Variants in WDPCP observed in about 807,000 individuals in gnomAD.
The protein encoded by WDPCP is WD repeat-containing and planar cell polarity effector protein fritz homolog.
In WDPCP, 71 loss-of-function variants were observed where a neutral mutation model predicts 93.1. The ratio of observed to expected loss-of-function variants is 0.76; its 90% CI spans 0.63 to 0.93. The LOEUF (loss-of-function observed/expected upper bound fraction) is 0.93, where lower values mean the gene tolerates loss of function less well. Ranked by LOEUF, WDPCP falls within the 40% of genes least tolerant of loss-of-function variation. The probability of loss-of-function intolerance (pLI) is 0.00; values close to 1 mark genes in which losing one functional copy is unlikely to be tolerated. For synonymous variants in WDPCP, 315 were observed against 315.0 expected, an observed-to-expected ratio of 1.00 and a Z score of 0.00; for missense variants, 844 against 887.4, an observed-to-expected ratio of 0.95 and a Z score of 0.62.
chr2:63,394,671 A>G (rs1693564729), intron 10 of WDPCP, among the ~76,000 whole-genome samples: 2 of 152,240 alleles, frequency 1.3e-5, no homozygotes, highest in African/African-American at 2.4e-5. Context: ...GATAAAGGAA[A>G]TGTGGTACAT....
At chr2:63,500,617 C>T (rs1701491996) in intron 1 of WDPCP, among the ~76,000 whole-genome samples, 1 of 152,156 alleles carries the variant, frequency 6.6e-6, no homozygotes, top group Non-Finnish European at 1.5e-5. Context: ...TTCTACTGTT[C>T]TGAATGCTGG....
chr2:63,819,639 C>G (rs889565995), intron 1 of WDPCP, among the ~76,000 whole-genome samples: 1 of 152,084 alleles, frequency 6.6e-6, no homozygotes, highest in African/African-American at 2.4e-5. Context: ...AGTAAGTTCC[C>G]GGGTGATACT....
At chr2:63,249,600 T>G (rs1004701641) in intron 14 of WDPCP, among the ~76,000 whole-genome samples, 6 of 152,142 alleles carry the variant, frequency 3.9e-5, no homozygotes, top group Non-Finnish European at 8.8e-5. Flanking sequence ...GCTGCACATG[T>G]CTTTACCTCT....
At chr2:63,279,463 T>A (rs1484997903) in intron 13 of WDPCP, among the ~76,000 whole-genome samples, 1 of 152,204 alleles carries the variant, frequency 6.6e-6, no homozygotes, top group East Asian at 1.9e-4. Flanking sequence ...CAGACCTTAA[T>A]GTAATAAAAG....
chr2:63,397,108 A>G (rs1468369605), intron 10 of WDPCP, among the ~76,000 whole-genome samples: 1 of 152,158 alleles, frequency 6.6e-6, no homozygotes, highest in Admixed American at 6.6e-5. Context: ...AGAAGAATAT[A>G]GATACAGGGC....
chr2:63,258,686 G>A (rs1167407971), intron 14 of WDPCP, among the ~76,000 whole-genome samples: 1 of 152,056 alleles, frequency 6.6e-6, no homozygotes, highest in Non-Finnish European at 1.5e-5. Context: ...TATCAATATT[G>A]CTCAATTTAG....
chr2:63,593,614 CA>C, upstream of WDPCP: 2 of 471,686 alleles, frequency 4.2e-6, no homozygotes, highest in Non-Finnish European at 8.8e-6. Flanking sequence ...ATCAGTGGAC[CA>C]TTTCTCCATG....
chr2:63,643,508 A>G, intron 3 of WDPCP: 1 of 401,894 alleles, frequency 2.5e-6, no homozygotes. Flanking sequence ...CACCATACAC[A>G]GGTTACCAAT....
intron 2 of WDPCP, chr2:63,684,569 AT>A: frequency 2.8e-6 from 2 of 715,652 alleles, no homozygotes; most frequent in Admixed American, 3.5e-5. Flanking sequence ...CTCTGTGGAT[AT>A]CCCCTTGAAC....
intron 9 of WDPCP, among the ~76,000 whole-genome samples, chr2:63,416,199 C>CTTT (rs142173557): frequency 2.0e-5 from 3 of 149,650 alleles, no homozygotes. Flanking sequence ...TCTTTTTTTT[C>CTTT]CTTTTTTTTT....
At chr2:63,378,296 T>C in intron 12 of WDPCP, 90 bp downstream of exon 12, 19 of 1,564,492 alleles carry the variant, frequency 1.2e-5, no homozygotes, top group Non-Finnish European at 1.7e-5. Context: ...AGGAAACACA[T>C]AGCCTTACTA....
chr2:63,750,809 T>C (rs560229772), intron 2 of WDPCP, among the ~76,000 whole-genome samples: 2 of 152,294 alleles, frequency 1.3e-5, no homozygotes, highest in South Asian at 4.1e-4. Context: ...AAACCAATCT[T>C]ACATTTTTGT....
rs549059472 is a variant in WDPCP, at chr2:63,696,389, C to T, written n.309-45551G>A. Among the ~76,000 whole-genome samples the T allele has an allele frequency of 2.0e-5, 3 of 152,308 alleles. No individual in the cohort carries two copies. In the South Asian group the frequency reaches 6.2e-4, roughly 32 times the overall value. ...TGTTCCATGAAGCCATGAAATTTTT[C>T]TGTCATTCCCTCAGTTTGTAGACAG... On this transcript the variant is annotated intron_variant and non_coding_transcript_variant, in intron 2 of 4. Coordinates refer to the WDPCP transcript ENST00000467687.
At chr2:63,519,499 A>G (rs990775144) in intron 1 of WDPCP, among the ~76,000 whole-genome samples, 18 of 152,188 alleles carry the variant, frequency 1.2e-4, no homozygotes, top group Non-Finnish European at 2.6e-4. Context: ...TGGCACCACC[A>G]TTAGTGATCA....
intron 6 of WDPCP, among the ~76,000 whole-genome samples, chr2:63,461,984 G>T (rs1699040431): frequency 6.6e-6 from 1 of 152,174 alleles, no homozygotes; most frequent in Non-Finnish European, 1.5e-5. Flanking sequence ...ATTTGATCCA[G>T]CCATCCCATT....
Position 63,491,782 on chromosome 2 carries a change from TA to T in WDPCP, c.160+1073del, listed in dbSNP as rs1249918821. 1.1e-4 allele frequency among the ~76,000 whole-genome samples: 16 copies of T among 152,320 alleles called. No individual in the cohort carries two copies. The South Asian group carries it at 2.7e-3, about 26-fold the overall frequency. On this transcript the variant is annotated intron_variant, in intron 2 of 17. Transcript: ENST00000272321. ...TGATGACACATACCATCTTCTACAA[TA>T]TCTGGCTCCTCAAATTTCTGTATCT...
At chr2:63,707,623 A>T (rs1315646433) in intron 2 of WDPCP, among the ~76,000 whole-genome samples, 2 of 152,180 alleles carry the variant, frequency 1.3e-5, no homozygotes, top group African/African-American at 2.4e-5. Context: ...TTCTTCTCTC[A>T]ACTCATCAAA....
At chr2:63,227,297 T>C (rs1296598923) in intron 14 of WDPCP, among the ~76,000 whole-genome samples, 1 of 151,918 alleles carries the variant, frequency 6.6e-6, no homozygotes, top group African/African-American at 2.4e-5. Flanking sequence ...AGGTCTAAGG[T>C]AAAAACCTCC....
At chr2:63,286,789 C>T (rs4671471) in intron 13 of WDPCP, among the ~76,000 whole-genome samples, 121,666 of 151,928 alleles carry the variant, frequency 0.8, 49,575 homozygotes, top group East Asian at 0.96. Flanking sequence ...TGGTTTCTTA[C>T]CATACCTTTA....
Sources: allele counts gnomAD v4.1 joint callset (sites outside exome capture counted in the v4.1 genomes callset), GRCh38; gene constraint gnomAD v4.1.1; transcripts MANE v1.5; gene names NCBI Gene and HGNC (gene_info 2026-07-23, HGNC 2026-07-21).